Variants in GTF2F2 observed in about 807,000 individuals in gnomAD.
GTF2F2 encodes the protein ATP-dependent helicase GTF2F2.
A neutral mutation model predicts 42.2 loss-of-function variants in GTF2F2; 23 were observed. That is an observed-to-expected ratio of 0.55 (90% CI 0.39 to 0.77). The LOEUF is 0.77. GTF2F2 is among the 30% of genes least tolerant of loss of function. The pLI, the probability that GTF2F2 is intolerant of heterozygous loss-of-function variation, is 0.00. For missense variants in GTF2F2, 261 were observed against 287.2 expected (o/e 0.91, Z 0.66); for synonymous variants, 105 against 100.8 (o/e 1.04, Z -0.25).
chr13:45,228,647 C>T (rs1399611530), intron 5 of GTF2F2, among the ~76,000 whole-genome samples: 1 of 149,798 alleles, frequency 6.7e-6, no homozygotes, highest in Non-Finnish European at 1.5e-5. Flanking sequence ...GCCTCATTCT[C>T]CTTATTGCTG....
chr13:45,214,387 C>T (rs2138198004), intron 5 of GTF2F2, among the ~76,000 whole-genome samples: 1 of 152,202 alleles, frequency 6.6e-6, no homozygotes, highest in East Asian at 1.9e-4. Context: ...CGATGAAATT[C>T]AGGCCAAGAA....
intron 4 of GTF2F2, among the ~76,000 whole-genome samples, chr13:45,176,577 T>G (rs1871886684): frequency 6.6e-6 from 1 of 152,174 alleles, no homozygotes; most frequent in African/African-American, 2.4e-5. Flanking sequence ...GTGGCTTGCC[T>G]TTTTACTCTC....
At chr13:45,272,774 G>GCT (rs1189286163) in intron 7 of GTF2F2, among the ~76,000 whole-genome samples, 4 of 24 alleles carry the variant, frequency 0.17, no homozygotes, top group Non-Finnish European at 0.19. Flanking sequence ...AAGGTCTCCT[G>GCT]CTGCCACCCA....
rs78184242 is a variant in GTF2F2 at position 45,178,467 on chromosome 13, T to C, written c.304+26636T>C. The stretch of plus-strand genomic sequence containing the variant: ...ATCACAGTCCAGTTGTTTTATAGTG[T>C]GTATCTGAGAATTCCAATCTCTGAA... On this transcript the variant is annotated intron_variant, in intron 4 of 7. Transcript: ENST00000340473. Among the ~76,000 whole-genome samples the C allele has an allele frequency of 1.0e-2, 1,510 of 151,196 alleles. 31 individuals are homozygous for C. Among genetic ancestry groups the C allele is most frequent in the African/African-American group, 0.035 (1,439 of 41,064 alleles).
At chr13:45,242,575 A>G (rs375206767) in intron 5 of GTF2F2, among the ~76,000 whole-genome samples, 3 of 152,156 alleles carry the variant, frequency 2.0e-5, no homozygotes, top group Non-Finnish European at 4.4e-5. Context: ...GCTGGTGGAA[A>G]CATTTGTTGT....
intron 4 of GTF2F2, among the ~76,000 whole-genome samples, chr13:45,166,404 A>G (rs571453973): frequency 6.6e-6 from 1 of 152,350 alleles, no homozygotes; most frequent in East Asian, 1.9e-4. Flanking sequence ...TACTATGAAG[A>G]CATGATGCAG....
intron 5 of GTF2F2, among the ~76,000 whole-genome samples, chr13:45,217,470 G>C (rs944299705): frequency 1.3e-5 from 2 of 152,094 alleles, no homozygotes; most frequent in African/African-American, 4.8e-5. Flanking sequence ...GTCTGTGCTA[G>C]ATTGTGAGCC....
intron 5 of GTF2F2, among the ~76,000 whole-genome samples, chr13:45,245,995 T>C (rs901334358): frequency 5.0e-4 from 31 of 62,224 alleles, no homozygotes; most frequent in Non-Finnish European, 7.7e-4. Flanking sequence ...ACATCTATTA[T>C]TTATTTATTT....
chr13:45,167,669 G>T (rs960131480), intron 4 of GTF2F2, among the ~76,000 whole-genome samples: 1 of 152,030 alleles, frequency 6.6e-6, no homozygotes, highest in Non-Finnish European at 1.5e-5. Flanking sequence ...AAAGTGCTGG[G>T]ATTACAGGCG....
At chr13:45,239,376 A>G (rs573450794) in intron 5 of GTF2F2, among the ~76,000 whole-genome samples, 1 of 152,226 alleles carries the variant, frequency 6.6e-6, no homozygotes, top group Non-Finnish European at 1.5e-5. Flanking sequence ...CAGAGGTAAT[A>G]TAGTGACTCT....
intron 5 of GTF2F2, among the ~76,000 whole-genome samples, chr13:45,213,841 A>G (rs1873791593): frequency 1.3e-5 from 2 of 152,166 alleles, no homozygotes; most frequent in African/African-American, 4.8e-5. Flanking sequence ...GTATATATGC[A>G]TATTTCTGTG....
intron 4 of GTF2F2, among the ~76,000 whole-genome samples, chr13:45,181,172 A>AC (rs1872139175): frequency 7.5e-6 from 1 of 134,194 alleles, no homozygotes; most frequent in African/African-American, 3.7e-5. Context: ...GTCTCAAAAG[A>AC]CAAAAAAACA....
At chr13:45,132,183 C>A (rs1207231998) in intron 1 of GTF2F2, among the ~76,000 whole-genome samples, 1 of 152,160 alleles carries the variant, frequency 6.6e-6, no homozygotes, top group Non-Finnish European at 1.5e-5. Context: ...TAGTTTAAAA[C>A]AACATGCATT....
chr13:45,149,271 CAA>C (rs753889892), intron 2 of GTF2F2, among the ~76,000 whole-genome samples: 6 of 98,376 alleles, frequency 6.1e-5, no homozygotes, highest in Non-Finnish European at 2.2e-5. Context: ...CTTGTCTCTA[CAA>C]AAAAAAAAAA....
At chr13:45,268,574 G>A (rs1876663039) in intron 7 of GTF2F2, among the ~76,000 whole-genome samples, 1 of 152,010 alleles carries the variant, frequency 6.6e-6, no homozygotes, top group South Asian at 2.1e-4. Context: ...CAAAGCCTTA[G>A]AAACAGCATT....
chr13:45,267,348 A>G lies in GTF2F2; in HGVS notation c.602A>G (p.Asp201Gly). 6.2e-7 allele frequency: 1 copy of G among 1,609,908 alleles called. No individual in the cohort carries two copies. Among genetic ancestry groups the G allele is most frequent in the South Asian group, 1.1e-5 (1 of 90,702 alleles). The change falls in exon 7 of 8, where the codon GAC becomes GGC. Residue 201 changes from aspartate (D) to glycine (G), a missense_variant. Asp to Gly is a moderately conservative substitution (Grantham distance 94). Coordinates refer to ENST00000340473, the MANE Select transcript of GTF2F2 (RefSeq NM_004128.3). ...AAACATCAATACTATAATCTTAAGG[A>G]CTTGGTGGACATCACAAAGCAACCT... is the stretch of plus-strand genomic sequence containing the variant. Reference protein sequence around the residue: ...FEKHQYYNLKDLVDITKQPVV... With the variant: ...FEKHQYYNLKGLVDITKQPVV...
At chr13:45,180,316 G>A (rs190236078) in intron 4 of GTF2F2, among the ~76,000 whole-genome samples, 16 of 152,234 alleles carry the variant, frequency 1.1e-4, no homozygotes, top group Admixed American at 7.8e-4. Flanking sequence ...ACTCATAGGT[G>A]AGCTTTAAAA....
rs1158010068 is a variant in GTF2F2, at chr13:45,191,215, C to CAAAAAAAAAAA, written c.305-16199_305-16198insAAAAAAAAAAA. Among the ~76,000 whole-genome samples, 55 of 74,854 alleles carry CAAAAAAAAAAA rather than the reference C, an allele frequency of 7.3e-4. 3 individuals carry two copies. Among genetic ancestry groups the CAAAAAAAAAAA allele is most frequent in the African/African-American group, 4.3e-3 (50 of 11,614 alleles). The allele number at this position is 74,854 out of a possible 152,430, so 49.1% of individuals were successfully genotyped here. On this transcript the variant is annotated intron_variant, in intron 4 of 7. Transcript: ENST00000340473. ...TGAAACCCCGTCTCTACTAAAAATA[C>CAAAAAAAAAAA]AAAAAAAAAATATATATATATATAT...
chr13:45,254,069 C>CAAA, intron 6 of GTF2F2, among the ~76,000 whole-genome samples: 1 of 58,204 alleles, frequency 1.7e-5, no homozygotes, highest in Admixed American at 1.9e-4. Flanking sequence ...GACTCCGTCT[C>CAAA]AAAAAAAAAA....
Sources: gnomAD v4.1 joint callset for allele counts (sites outside exome capture counted in the v4.1 genomes callset) on GRCh38, gnomAD v4.1.1 for gene constraint, MANE v1.5 for transcripts, NCBI Gene and HGNC (gene_info 2026-07-23, HGNC 2026-07-21) for gene names.